BRDT: variants seen among roughly 807,000 people sequenced by gnomAD.
BRDT encodes bromodomain testis associated.
Under a neutral mutation model 113.9 loss-of-function variants are expected in BRDT, and 77 were observed. That is an observed-to-expected ratio of 0.68 (90% CI 0.56 to 0.82). The LOEUF (loss-of-function observed/expected upper bound fraction) is 0.82, where lower values mean the gene tolerates loss of function less well. Among genes scored for constraint, BRDT ranks in the 40% least tolerant of loss-of-function variants. The probability of loss-of-function intolerance (pLI) is 0.00; values close to 1 mark genes in which losing one functional copy is unlikely to be tolerated. For synonymous variants in BRDT, 358 were observed against 366.5 expected, an observed-to-expected ratio of 0.98 and a Z score of 0.26; for missense variants, 1,027 against 1,105.4, an observed-to-expected ratio of 0.93 and a Z score of 1.01.
rs368068707 is a variant in BRDT at position 91,980,692 on chromosome 1, G to A, written c.1337G>A (p.Arg446His). The stretch of plus-strand genomic sequence containing the variant: ...CAGGTTTTGTCCCAAGTACCTTTCC[G>A]TAAGCTAAATAAAAAGAAAGAGAAG... ...QLQVLSQVPFRKLNKKKEKSK... is the reference protein window; with the variant it reads ...QLQVLSQVPFHKLNKKKEKSK... The change falls in exon 9 of 19, where the codon CGT (arginine) becomes CAT (histidine). Residue 446 changes from arginine to histidine, a missense_variant. Arg to His is a conservative substitution (Grantham distance 29). Transcript: ENST00000399546. 2.7e-5 allele frequency: 44 copies of A among 1,602,942 alleles called. No individual in the cohort carries two copies. In the African/African-American group the frequency reaches 4.3e-4, roughly 16 times the overall value.
intron 18 of BRDT, among the ~76,000 whole-genome samples, chr1:92,013,357 A>G (rs1359883160): frequency 6.6e-6 from 1 of 152,196 alleles, no homozygotes; most frequent in Non-Finnish European, 1.5e-5. Context: ...CAGTAGGTAA[A>G]TCACAATTCC....
Position 91,977,416 on chromosome 1 carries a change from G to A in BRDT, c.969+23G>A, listed in dbSNP as rs753190976. 33 of 1,441,400 alleles carry A rather than the reference G, an allele frequency of 2.3e-5. No individual in the cohort carries two copies. In the South Asian group the frequency reaches 3.8e-4, roughly 17 times the overall value. 89.3% of individuals were successfully genotyped at this position (1,441,400 alleles called of 1,614,324 possible). ...AAGGTAAATGTTGCCTTAAAAGGAA[G>A]AACTTCTTTTTCTTGATTATAAAAG... On this transcript the variant is annotated intron_variant, in intron 6 of 18. Coordinates refer to ENST00000399546, the MANE Select transcript of BRDT (RefSeq NM_207189.4).
At chr1:91,988,470 G>T (rs1250611517) in intron 12 of BRDT, among the ~76,000 whole-genome samples, 2 of 151,968 alleles carry the variant, frequency 1.3e-5, no homozygotes, top group South Asian at 2.1e-4. Context: ...GCACCATCTT[G>T]GTTCACTGAA....
chr1:91,994,839 G>C (rs1686137801), intron 15 of BRDT, among the ~76,000 whole-genome samples: 2 of 112,900 alleles, frequency 1.8e-5, no homozygotes, highest in Non-Finnish European at 3.3e-5. Flanking sequence ...CTGCACTCCA[G>C]CCTGGGCGAC....
At chr1:91,983,514 A>G (rs1334277211) in intron 12 of BRDT, among the ~76,000 whole-genome samples, 4 of 152,088 alleles carry the variant, frequency 2.6e-5, no homozygotes, top group Admixed American at 6.6e-5. Context: ...TCGGCCTCCC[A>G]AAGTGCTGGG....
chr1:92,009,068 C>T (rs1430556506), intron 18 of BRDT, among the ~76,000 whole-genome samples: 1 of 152,134 alleles, frequency 6.6e-6, no homozygotes, highest in Non-Finnish European at 1.5e-5. Flanking sequence ...GGAATTCCTA[C>T]TGTCTAACTG....
chr1:92,013,232 A>AG (rs1491380468), intron 18 of BRDT, among the ~76,000 whole-genome samples: 3 of 151,434 alleles, frequency 2.0e-5, no homozygotes, highest in Non-Finnish European at 4.4e-5. Flanking sequence ...AAAAAAAAAA[A>AG]GATTAAAAAA....
At chr1:91,988,302 C>G (rs1448889576) in intron 12 of BRDT, among the ~76,000 whole-genome samples, 5 of 152,142 alleles carry the variant, frequency 3.3e-5, no homozygotes, top group Non-Finnish European at 7.4e-5. Context: ...CACTTTGATC[C>G]TCTTAAGGTA....
At chr1:91,961,532 G>A (rs920210127) in intron 1 of BRDT, among the ~76,000 whole-genome samples, 1 of 152,010 alleles carries the variant, frequency 6.6e-6, no homozygotes, top group Non-Finnish European at 1.5e-5. Context: ...GGGAGGCTGA[G>A]GCTAGAGAAT....
chr1:91,960,879 T>C (rs539077103), intron 1 of BRDT, among the ~76,000 whole-genome samples: 54 of 152,330 alleles, frequency 3.5e-4, no homozygotes, highest in Non-Finnish European at 7.2e-4. Flanking sequence ...ACCTTTATTA[T>C]CCTTAAAGTA....
At chr1:91,960,456 T>A (rs934523861) in intron 1 of BRDT, among the ~76,000 whole-genome samples, 5 of 152,186 alleles carry the variant, frequency 3.3e-5, no homozygotes, top group Admixed American at 6.6e-5. Context: ...AAGATAAATA[T>A]GATTTGTCAC....
chr1:91,981,912 C>T (rs1178847437), intron 12 of BRDT, among the ~76,000 whole-genome samples, 157 bp downstream of exon 12: 1 of 152,050 alleles, frequency 6.6e-6, no homozygotes, highest in African/African-American at 2.4e-5. Context: ...TTAGTATTTT[C>T]CCTAAAAGAG....
rs1685720929 is a variant in BRDT at position 91,991,217 on chromosome 1, A to G, written c.2036A>G (p.Asn679Ser). 2.6e-6 allele frequency: 4 copies of G among 1,551,098 alleles called. No individual in the cohort carries two copies. In the South Asian group the frequency reaches 4.7e-5, roughly 18 times the overall value. ...MFPKFTEVKPNDSPSKENVKK... is the reference protein window; with the variant it reads ...MFPKFTEVKPSDSPSKENVKK... ...CCTAAGTTTACAGAAGTAAAACCAA[A>G]TGATTCTCCTTCTAAAGAGAATGTA... Residue 679 changes from asparagine (N) to serine (S), a missense_variant, in exon 13 of 19, where the codon AAT (asparagine) becomes AGT (serine). By Grantham distance (46) the Asn-to-Ser change is conservative. Coordinates refer to ENST00000399546, the MANE Select transcript of BRDT (RefSeq NM_207189.4).
intron 15 of BRDT, among the ~76,000 whole-genome samples, chr1:91,995,062 T>G (rs1686172496): frequency 6.6e-6 from 1 of 152,096 alleles, no homozygotes. Flanking sequence ...TGACTTAATA[T>G]CTTATCAGAA....
chr1:91,990,943 G>A (rs1457401780), intron 12 of BRDT, among the ~76,000 whole-genome samples: 7 of 152,006 alleles, frequency 4.6e-5, no homozygotes, highest in South Asian at 2.1e-4. Context: ...GACTACAGGC[G>A]TGTGCCACCA....
intron 15 of BRDT, among the ~76,000 whole-genome samples, chr1:91,996,561 A>G (rs1686359558): frequency 6.6e-6 from 1 of 152,170 alleles, no homozygotes. Flanking sequence ...GTTTTATAAT[A>G]GGGAAAAAAT....
chr1:92,004,642 G>A, intron 17 of BRDT, 23 bp downstream of exon 17: 1 of 1,543,568 alleles, frequency 6.5e-7, no homozygotes, highest in Non-Finnish European at 8.7e-7. Flanking sequence ...CTGGATTAAA[G>A]GAGGGTTTGG....
Position 91,956,021 on chromosome 1 carries a change from A to G in BRDT, c.-38+6339A>G, listed in dbSNP as rs1015270186. On this transcript the variant is annotated intron_variant, in intron 1 of 18. Coordinates refer to ENST00000399546, the MANE Select transcript of BRDT (RefSeq NM_207189.4). The stretch of plus-strand genomic sequence containing the variant: ...TATCAGCAATTGTCAACATTTTGCC[A>G]TATTTGCTTTTCTATATAGCCTTCC... 6.6e-5 allele frequency among the ~76,000 whole-genome samples: 10 copies of G among 152,344 alleles called. No individual in the cohort carries two copies. In the East Asian group the frequency reaches 1.7e-3, roughly 26 times the overall value.
intron 15 of BRDT, among the ~76,000 whole-genome samples, chr1:91,995,957 G>A (rs1686289797): frequency 6.6e-6 from 1 of 152,072 alleles, no homozygotes; most frequent in African/African-American, 2.4e-5. Flanking sequence ...TTCATTGTGG[G>A]GAAGGGAATG....
Sources: allele counts gnomAD v4.1 joint callset (sites outside exome capture counted in the v4.1 genomes callset), GRCh38; gene constraint gnomAD v4.1.1; transcripts MANE v1.5; gene names NCBI Gene and HGNC (gene_info 2026-07-23, HGNC 2026-07-21).